TEX12: variants seen among roughly 807,000 people sequenced by gnomAD.
The protein encoded by TEX12 is testis expressed 12.
TEX12 carries 7 observed loss-of-function variants against 14.6 expected under a neutral mutation model. That is an observed-to-expected ratio of 0.48 (90% CI 0.27 to 0.90). TEX12 has a LOEUF of 0.90. TEX12 is among the 40% of genes least tolerant of loss of function. The pLI is 0.12. For missense variants in TEX12, 121 were observed against 135.7 expected (o/e 0.89, Z 0.54); for synonymous variants, 57 against 49.1 (o/e 1.16, Z -0.67).
Position 112,169,259 on chromosome 11 carries a change from C to G in TEX12, c.-10C>G, listed in dbSNP as rs771711207. Reference sequence around the variant, plus strand: ...ATTGTTCTAAGCTTTGTAGCTGGTGCCTTCGGAATATGATGGCAAATCACC... The same window carrying G: ...ATTGTTCTAAGCTTTGTAGCTGGTGGCTTCGGAATATGATGGCAAATCACC... On this transcript the variant is annotated 5_prime_UTR_variant, in exon 2 of 5. Transcript: ENST00000280358. 1 of 1,612,300 alleles carries G rather than the reference C, an allele frequency of 6.2e-7. No individual in the cohort carries two copies. The highest frequency in any genetic ancestry group is 2.2e-5 in the East Asian group (1 of 44,854).
Position 112,172,095 on chromosome 11 carries a change from T to A in TEX12, c.*179T>A. On this transcript the variant is annotated 3_prime_UTR_variant, in exon 5 of 5. Transcript: ENST00000280358. ...CTTTTAAATTCCTTAATGTTAATATTAATGTTCATGTTAATGTCCTAAGCT... is the reference window on the plus strand; with the variant it reads ...CTTTTAAATTCCTTAATGTTAATATAAATGTTCATGTTAATGTCCTAAGCT... The A allele has an allele frequency of 2.7e-6, 1 of 365,556 alleles. No individual in the cohort carries two copies. The highest frequency in any genetic ancestry group is 4.8e-6 in the Non-Finnish European group (1 of 209,012). 22.6% of individuals were successfully genotyped at this position (365,556 alleles called of 1,614,324 possible). A position where few individuals can be genotyped will look rare whatever the true frequency, so the allele number is the denominator to read the frequency against.
intron 1 of TEX12, among the ~76,000 whole-genome samples, chr11:112,168,756 T>C (rs1030570919): frequency 7.2e-5 from 11 of 152,118 alleles, no homozygotes; most frequent in Non-Finnish European, 1.5e-4. Context: ...TTCACCATGC[T>C]GGCCAGGCTG....
chr11:112,168,721 T>G (rs1053340448), intron 1 of TEX12, among the ~76,000 whole-genome samples: 8 of 152,056 alleles, frequency 5.3e-5, no homozygotes, highest in African/African-American at 1.9e-4. Flanking sequence ...CTGGCTAATG[T>G]TTGGATTTTT....
intron 1 of TEX12, 52 bp from the exon 2 acceptor site, chr11:112,169,201 G>A: frequency 8.3e-7 from 1 of 1,208,728 alleles, no homozygotes; most frequent in Non-Finnish European, 1.2e-6. Flanking sequence ...ATTCCAGAGA[G>A]CTTGTAGCAT....
In TEX12 at chr11:112,170,636, A is replaced by G; in HGVS notation, c.189A>G (p.Glu63=). The G allele has an allele frequency of 5.6e-6, 9 of 1,611,862 alleles. No individual in the cohort carries two copies. Among genetic ancestry groups the G allele is most frequent in the Non-Finnish European group, 7.6e-6 (9 of 1,178,390 alleles). The part of the protein sequence containing the change: ...LEKDLNDVSK[E]INLMLSTYAK... ...TTTCTTGAACAGATGTGAGCAAGGA[A>G]ATTAATCTAATGTTGTCTACCTATG... is the stretch of plus-strand genomic sequence containing the variant. Residue 63 remains glutamate, a synonymous_variant, in exon 4 of 5, where the codon GAA becomes GAG. Transcript: ENST00000280358.
Position 112,171,892 on chromosome 11 carries a change from G to C in TEX12, c.348G>C (p.Val116=). The part of the protein sequence containing the change: ...KREFLRQRFT[V]IANTLHR Reference sequence around the variant, plus strand: ...AGTTCCTGCGACAGAGGTTTACAGTGATTGCAAACACATTACACAGATAAA... The same window carrying C: ...AGTTCCTGCGACAGAGGTTTACAGTCATTGCAAACACATTACACAGATAAA... The change falls in exon 5 of 5, where the codon GTG becomes GTC. Residue 116 remains valine, a synonymous_variant. Transcript: ENST00000280358. 6.4e-7 allele frequency: 1 copy of C among 1,569,080 alleles called. No homozygotes were observed.
At chr11:112,171,253 C>G (rs554203032) in intron 4 of TEX12, among the ~76,000 whole-genome samples, 7 of 151,974 alleles carry the variant, frequency 4.6e-5, no homozygotes, top group African/African-American at 1.7e-4. Context: ...AATTATATGG[C>G]AGAATGTTCT....
chr11:112,168,556 CTT>C (rs113768199), intron 1 of TEX12, among the ~76,000 whole-genome samples: 7 of 144,630 alleles, frequency 4.8e-5, no homozygotes, highest in Non-Finnish European at 9.2e-5. Flanking sequence ...TAGAAGAATC[CTT>C]TTTTTTTTTT....
At chr11:112,167,509 C>T in intron 1 of TEX12, 22 bp downstream of exon 1, 1 of 152,526 alleles carries the variant, frequency 6.6e-6, no homozygotes, top group Non-Finnish European at 1.5e-5. Flanking sequence ...GAAACTTCCT[C>T]TGAGGGGCTC....
intron 1 of TEX12, among the ~76,000 whole-genome samples, chr11:112,168,556 C>CTT (rs113768199): frequency 1.4e-5 from 2 of 144,744 alleles, no homozygotes; most frequent in Non-Finnish European, 3.1e-5. Context: ...TAGAAGAATC[C>CTT]TTTTTTTTTT....
intron 4 of TEX12, among the ~76,000 whole-genome samples, chr11:112,171,517 A>C (rs1366102038): frequency 6.6e-6 from 1 of 152,062 alleles, no homozygotes; most frequent in Non-Finnish European, 1.5e-5. Flanking sequence ...TGGCTGTAAA[A>C]ATAATGTATG....
At chr11:112,168,744 G>A (rs893374460) in intron 1 of TEX12, among the ~76,000 whole-genome samples, 1 of 152,072 alleles carries the variant, frequency 6.6e-6, no homozygotes, top group East Asian at 1.9e-4. Context: ...TAGACACAGG[G>A]TTTCACCATG....
chr11:112,170,514 G>A lies in TEX12; in HGVS notation c.159G>A (p.Leu53=). Residue 53 remains leucine (L), a synonymous_variant, in exon 3 of 5, where the codon TTG becomes TTA. Coordinates refer to ENST00000280358, the MANE Select transcript of TEX12 (RefSeq NM_031275.4). ...GACTATTTTATAAAGATGAAGCCTT[G>A]GAGAAAGATTTAAATGGTGATGTAT... The part of the protein sequence containing the change: ...ISGLFYKDEA[L]EKDLNDVSKE... The A allele has an allele frequency of 6.2e-7, 1 of 1,610,932 alleles. No homozygotes were observed. Among genetic ancestry groups the A allele is most frequent in the Admixed American group, 1.7e-5 (1 of 59,886 alleles).
Position 112,169,310 on chromosome 11 carries a change from C to T in TEX12, c.42C>T (p.Cys14=), listed in dbSNP as rs1866763606. Residue 14 remains cysteine (C), a synonymous_variant, in exon 2 of 5, where the codon TGC becomes TGT. Transcript: ENST00000280358. ...NHLVKPDNRN[C]KRPRELESPV... ...TTGTAAAGCCTGATAATAGAAATTG[C>T]AAGAGGCCAAGAGAATTGGAGGTAA... is the stretch of plus-strand genomic sequence containing the variant. 1.2e-6 allele frequency: 2 copies of T among 1,613,244 alleles called. No individual in the cohort carries two copies. Among genetic ancestry groups the T allele is most frequent in the Non-Finnish European group, 1.7e-6 (2 of 1,179,184 alleles).
chr11:112,171,830 G>A lies in TEX12; in HGVS notation c.286G>A (p.Ala96Thr), dbSNP rs751475260. ...IDEIDELFKE[A>T]NAIENFLIQK... is the part of the protein sequence containing the mutation. ...TGAGATAGATGAACTCTTCAAAGAA[G>A]CCAATGCTATTGAAAACTTTCTAAT... The change falls in exon 5 of 5, where the codon GCC (alanine) becomes ACC (threonine). Residue 96 changes from alanine to threonine, a missense_variant. Coordinates refer to ENST00000280358, the MANE Select transcript of TEX12 (RefSeq NM_031275.4). 33 of 1,598,366 alleles carry A rather than the reference G, an allele frequency of 2.1e-5. No homozygotes were observed. The highest frequency in any genetic ancestry group is 2.7e-5 in the Non-Finnish European group (32 of 1,173,578).
intron 1 of TEX12, among the ~76,000 whole-genome samples, chr11:112,168,933 A>G (rs900614821): frequency 6.6e-6 from 1 of 152,220 alleles, no homozygotes; most frequent in Non-Finnish European, 1.5e-5. Context: ...GTACATAGAG[A>G]GGAGTAGTTG....
intron 2 of TEX12, among the ~76,000 whole-genome samples, chr11:112,169,641 T>C (rs886554800): frequency 6.6e-6 from 1 of 152,224 alleles, no homozygotes; most frequent in Non-Finnish European, 1.5e-5. Flanking sequence ...GATAACTAGG[T>C]ACTATAGTTA....
chr11:112,168,782 C>A (rs916338961), intron 1 of TEX12, among the ~76,000 whole-genome samples: 12 of 152,126 alleles, frequency 7.9e-5, no homozygotes, highest in Non-Finnish European at 1.3e-4. Flanking sequence ...GAACTCCCGA[C>A]CTCAGGTGAT....
chr11:112,169,490 C>T (rs1866766326), intron 2 of TEX12, among the ~76,000 whole-genome samples, 159 bp downstream of exon 2: 1 of 152,026 alleles, frequency 6.6e-6, no homozygotes, highest in African/African-American at 2.4e-5. Context: ...ATGTTGATTC[C>T]AGCTGCTTTT....
Sources: gnomAD v4.1 joint callset for allele counts (sites outside exome capture counted in the v4.1 genomes callset) on GRCh38, gnomAD v4.1.1 for gene constraint, MANE v1.5 for transcripts, NCBI Gene and HGNC (gene_info 2026-07-23, HGNC 2026-07-21) for gene names.